The following IGF2BP2 variants were observed in gnomAD, a reference collection of about 807,000 sequenced individuals.
IGF2BP2 encodes the protein insulin-like growth factor 2 mRNA-binding protein 2.
Under a neutral mutation model 75.8 loss-of-function variants are expected in IGF2BP2, and 17 were observed. The observed-to-expected ratio is 0.22, with a 90% confidence interval of 0.15 to 0.34. IGF2BP2 has a LOEUF of 0.34. IGF2BP2 is among the 10% of genes least tolerant of loss of function. The pLI is 1.00. For missense variants in IGF2BP2, 516 were observed against 772.4 expected, an observed-to-expected ratio of 0.67 and a Z score of 3.93; for synonymous variants, 288 against 295.6, an observed-to-expected ratio of 0.97 and a Z score of 0.26.
At chr3:185,716,383 G>A (rs1725615291) in intron 2 of IGF2BP2, 1 of 448,560 alleles carries the variant, frequency 2.2e-6, no homozygotes, top group East Asian at 5.6e-5. Context: ...TTATAAATAT[G>A]CTCTGTGTTA....
At chr3:185,773,999 G>A (rs1282660013) in intron 2 of IGF2BP2, among the ~76,000 whole-genome samples, 1 of 152,162 alleles carries the variant, frequency 6.6e-6, no homozygotes, top group Non-Finnish European at 1.5e-5. Context: ...TGACTGAGAG[G>A]AGAAACAAAT....
At chr3:185,728,479 G>A (rs572746254) in intron 2 of IGF2BP2, 7 of 152,300 alleles carry the variant, frequency 4.6e-5, no homozygotes, top group East Asian at 1.9e-4. Flanking sequence ...AATGGTGGAC[G>A]TCTCATTCAT....
At chr3:185,806,192 TA>T (rs1739003614) in intron 2 of IGF2BP2, among the ~76,000 whole-genome samples, 1 of 152,194 alleles carries the variant, frequency 6.6e-6, no homozygotes, top group Admixed American at 6.5e-5. Flanking sequence ...AAAAAAAGTT[TA>T]ACTATTATCA....
At chr3:185,660,780 GAA>G (rs1476057929) in intron 10 of IGF2BP2, among the ~76,000 whole-genome samples, 1 of 152,212 alleles carries the variant, frequency 6.6e-6, no homozygotes, top group Non-Finnish European at 1.5e-5. Flanking sequence ...AGCTGGGGGA[GAA>G]TTCATGCAAC....
At chr3:185,668,505 A>AGT (rs879588609) in intron 10 of IGF2BP2, among the ~76,000 whole-genome samples, 1 of 126,908 alleles carries the variant, frequency 7.9e-6, no homozygotes, top group Admixed American at 7.8e-5. Flanking sequence ...AGAGAGAGAG[A>AGT]GAGATATATA....
At chr3:185,783,748 A>G (rs1198283924) in intron 2 of IGF2BP2, among the ~76,000 whole-genome samples, 1 of 152,204 alleles carries the variant, frequency 6.6e-6, no homozygotes, top group Non-Finnish European at 1.5e-5. Flanking sequence ...GGTGTAGTCC[A>G]TATTTTCCCC....
At chr3:185,768,756 G>A (rs1039175012) in intron 2 of IGF2BP2, among the ~76,000 whole-genome samples, 8 of 152,202 alleles carry the variant, frequency 5.3e-5, no homozygotes, top group African/African-American at 1.7e-4. Flanking sequence ...TAAGCCAGGC[G>A]TGGTGGCTTT....
At chr3:185,696,730 A>C in intron 3 of IGF2BP2, 67 bp from the exon 4 acceptor site, 1 of 1,258,090 alleles carries the variant, frequency 7.9e-7, no homozygotes, top group South Asian at 1.2e-5. Flanking sequence ...TACTACAGTG[A>C]TATACCCCAG....
chr3:185,722,726 G>T (rs1390387009), intron 2 of IGF2BP2, among the ~76,000 whole-genome samples: 3 of 152,120 alleles, frequency 2.0e-5, no homozygotes, highest in Non-Finnish European at 2.9e-5. Context: ...TCTACGTCAG[G>T]GCTGGCGGGT....
chr3:185,779,731 AGACCACC>A (rs1734965456), intron 2 of IGF2BP2, among the ~76,000 whole-genome samples: 1 of 150,422 alleles, frequency 6.6e-6, no homozygotes, highest in Non-Finnish European at 1.5e-5. Context: ...GGTCTACTCT[AGACCACC>A]GTAACTGTCC....
chr3:185,820,891 A>T, intron 2 of IGF2BP2: 1 of 854,554 alleles, frequency 1.2e-6, no homozygotes, highest in Non-Finnish European at 1.7e-6. Context: ...AACCACATAT[A>T]GAATTGACTT....
At chr3:185,787,221 TGCA>T (rs578206849) in intron 2 of IGF2BP2, among the ~76,000 whole-genome samples, 85 of 152,300 alleles carry the variant, frequency 5.6e-4, no homozygotes, top group South Asian at 3.7e-3. Context: ...TGGCGATGGC[TGCA>T]TAAACAACGT....
chr3:185,729,995 G>A (rs941417453), intron 2 of IGF2BP2, among the ~76,000 whole-genome samples: 7 of 152,262 alleles, frequency 4.6e-5, no homozygotes, highest in Non-Finnish European at 7.4e-5. Context: ...TGGTTTTCAT[G>A]TCTCCAGGGG....
intron 10 of IGF2BP2, among the ~76,000 whole-genome samples, chr3:185,668,973 C>A (rs1718097991): frequency 6.6e-6 from 1 of 152,074 alleles, no homozygotes; most frequent in Non-Finnish European, 1.5e-5. Flanking sequence ...TGCTCTAGAA[C>A]CTAAGCTATA....
At chr3:185,658,445 T>C (rs762693031) in intron 10 of IGF2BP2, 36 bp from the exon 11 acceptor site, 11 of 1,579,542 alleles carry the variant, frequency 7.0e-6, no homozygotes, top group Non-Finnish European at 8.7e-6. Flanking sequence ...GGGCGGGTGC[T>C]CTCAGGGACT....
intron 10 of IGF2BP2, among the ~76,000 whole-genome samples, chr3:185,662,509 G>A (rs1344351418): frequency 1.5e-5 from 2 of 136,742 alleles, no homozygotes; most frequent in African/African-American, 2.7e-5. Flanking sequence ...AAAAAAAAGT[G>A]TCTTATCAGA....
chr3:185,758,224 T>C (rs1437647475), intron 2 of IGF2BP2, among the ~76,000 whole-genome samples: 2 of 152,202 alleles, frequency 1.3e-5, no homozygotes, highest in African/African-American at 4.8e-5. Flanking sequence ...CTTAGAGACT[T>C]ATAACCATCT....
intron 10 of IGF2BP2, among the ~76,000 whole-genome samples, chr3:185,666,371 C>T (rs552026379): frequency 7.9e-5 from 12 of 152,306 alleles, no homozygotes; most frequent in Middle Eastern, 6.8e-3. Flanking sequence ...TGGTGGCTCA[C>T]GCCTATAATC....
At chr3:185,711,869 C>A (rs528553228) in intron 2 of IGF2BP2, among the ~76,000 whole-genome samples, 1 of 152,288 alleles carries the variant, frequency 6.6e-6, no homozygotes, top group African/African-American at 2.4e-5. Flanking sequence ...GGTAGATAAG[C>A]TCCTGCCCTC....
Sources: gnomAD v4.1 joint callset for allele counts (sites outside exome capture counted in the v4.1 genomes callset) on GRCh38, gnomAD v4.1.1 for gene constraint, MANE v1.5 for transcripts, NCBI Gene and HGNC (gene_info 2026-07-23, HGNC 2026-07-21) for gene names.